The following TTC7B variants were observed in gnomAD, a reference collection of about 807,000 sequenced individuals.
TTC7B encodes tetratricopeptide repeat protein 7B.
TTC7B carries 28 observed loss-of-function variants against 106.8 expected under a neutral mutation model. That is an observed-to-expected ratio of 0.26 (90% CI 0.19 to 0.36). The LOEUF is 0.36. Among genes scored for constraint, TTC7B ranks in the 10% least tolerant of loss-of-function variants. The pLI is 1.00. For missense variants in TTC7B, 862 were observed against 1,076.4 expected, an observed-to-expected ratio of 0.80 and a Z score of 2.79; for synonymous variants, 405 against 430.6, an observed-to-expected ratio of 0.94 and a Z score of 0.74.
Position 90,578,097 on chromosome 14 carries a change from T to G in TTC7B, c.2310+9A>C, listed in dbSNP as rs1891332418. The G allele has an allele frequency of 6.2e-7, 1 of 1,605,080 alleles. No individual in the cohort carries two copies. The highest frequency in any genetic ancestry group is 8.5e-7 in the Non-Finnish European group (1 of 1,175,890). On this transcript the variant is annotated intron_variant, in intron 19 of 19. Transcript: ENST00000328459. This position sits in a 1 kb window ranked among gnomAD's most constrained non-coding sequence, Gnocchi z 4.7. The stretch of plus-strand genomic sequence containing the variant: ...AGAGTAGGGGCCACCGCCGGGCTCG[T>G]GGACTCACCAGTCGCTGCATGCTCT...
At chr14:90,800,959 G>A (rs1338208288) in intron 1 of TTC7B, among the ~76,000 whole-genome samples, 1 of 152,204 alleles carries the variant, frequency 6.6e-6, no homozygotes, top group Non-Finnish European at 1.5e-5. Flanking sequence ...GCTGAGGCAG[G>A]AGGATTGCTT....
intron 15 of TTC7B, among the ~76,000 whole-genome samples, chr14:90,637,749 A>G (rs562478193): frequency 6.6e-6 from 1 of 152,382 alleles, no homozygotes; most frequent in South Asian, 2.1e-4. Context: ...TGAAAGGAAT[A>G]AAGTCATATA....
intron 18 of TTC7B, among the ~76,000 whole-genome samples, chr14:90,591,612 G>A (rs1891961438): frequency 6.6e-6 from 1 of 152,194 alleles, no homozygotes; most frequent in South Asian, 2.1e-4. Flanking sequence ...CACCCTGGAG[G>A]GATGGCCTTC....
intron 5 of TTC7B, among the ~76,000 whole-genome samples, chr14:90,722,122 G>A (rs1888920747): frequency 6.6e-6 from 1 of 152,188 alleles, no homozygotes; most frequent in South Asian, 2.1e-4. Flanking sequence ...CAGGCGACAT[G>A]TGGCATCCCC....
At chr14:90,613,299 G>A (rs1892945830) in intron 16 of TTC7B, among the ~76,000 whole-genome samples, 1 of 152,064 alleles carries the variant, frequency 6.6e-6, no homozygotes, top group East Asian at 1.9e-4. Context: ...AGAGGCTGAG[G>A]CAAGAGGATG....
rs113392615 is a variant in TTC7B at position 90,797,290 on chromosome 14, TA to T, written c.122-10963del. On this transcript the variant is annotated intron_variant, in intron 1 of 19. Transcript: ENST00000328459. The stretch of plus-strand genomic sequence containing the variant: ...CAATATGGTAAAACCCCATCTCTAC[TA>T]AAAAAAAATACAAAAATTATCTGGG... 1.1e-3 allele frequency among the ~76,000 whole-genome samples: 53 copies of T among 48,468 alleles called. 5 individuals carry two copies. The highest frequency in any genetic ancestry group is 2.0e-3 in the African/African-American group (52 of 25,888). 31.8% of individuals were successfully genotyped at this position (48,468 alleles called of 152,430 possible).
At chr14:90,639,368 T>A (rs1316684295) in intron 15 of TTC7B, among the ~76,000 whole-genome samples, 1 of 151,776 alleles carries the variant, frequency 6.6e-6, no homozygotes, top group Non-Finnish European at 1.5e-5. Flanking sequence ...GACCATCCAA[T>A]AAAAAAGAAG....
chr14:90,591,319 C>T (rs1450060316), intron 18 of TTC7B, among the ~76,000 whole-genome samples: 1 of 152,046 alleles, frequency 6.6e-6, no homozygotes, highest in Non-Finnish European at 1.5e-5. Context: ...CCAGCCTGGG[C>T]CAAAGAGTGA....
At chr14:90,636,996 A>T (rs1264707006) in intron 15 of TTC7B, among the ~76,000 whole-genome samples, 2 of 151,678 alleles carry the variant, frequency 1.3e-5, no homozygotes, top group East Asian at 1.9e-4. Context: ...AAATACAACA[A>T]GACAGAACTT....
intron 1 of TTC7B, among the ~76,000 whole-genome samples, chr14:90,786,980 CA>C (rs2140041870): frequency 6.6e-6 from 1 of 152,288 alleles, no homozygotes; most frequent in African/African-American, 2.4e-5. Flanking sequence ...AAAACACACA[CA>C]AACCCCAGTG....
chr14:90,697,857 T>C (rs1887823589), intron 5 of TTC7B: 1 of 152,276 alleles, frequency 6.6e-6, no homozygotes, highest in Non-Finnish European at 1.5e-5. Context: ...AATTAAGCCT[T>C]TGAAGCAAAT....
In TTC7B at chr14:90,540,601, C is replaced by G. The variant is rs1476181872; in HGVS notation, c.*767G>C. ...ACAGGCTATGAGTCCATTTAAAAATCATTTTATTATTAACATCATCTTCCC... is the reference window on the plus strand; with the variant it reads ...ACAGGCTATGAGTCCATTTAAAAATGATTTTATTATTAACATCATCTTCCC... On this transcript the variant is annotated 3_prime_UTR_variant, in exon 20 of 20. Transcript: ENST00000328459. The G allele has an allele frequency of 1.3e-5, 2 of 153,676 alleles. No individual in the cohort carries two copies. Among genetic ancestry groups the G allele is most frequent in the Non-Finnish European group, 2.9e-5 (2 of 68,030 alleles). 9.5% of individuals were successfully genotyped at this position (153,676 alleles called of 1,614,324 possible).
chr14:90,618,261 T>C (rs913359333), intron 15 of TTC7B, among the ~76,000 whole-genome samples: 9 of 152,262 alleles, frequency 5.9e-5, no homozygotes, highest in Non-Finnish European at 1.2e-4. Flanking sequence ...GCAAGCACGA[T>C]GTGACTATTT....
intron 3 of TTC7B, among the ~76,000 whole-genome samples, chr14:90,756,745 G>A (rs983277828): frequency 1.6e-4 from 25 of 152,074 alleles, no homozygotes; most frequent in African/African-American, 6.0e-4. Flanking sequence ...AGACAGACAT[G>A]GTGTCACAGA....
rs186590735 is a variant in TTC7B at position 90,591,435 on chromosome 14, A to G, written c.2107+2051T>C. ...AATCAGCTACAAAATTTCCTCCCCA[A>G]CAGTCACGGCAGGCCACGCAAAGTG... On this transcript the variant is annotated intron_variant, in intron 18 of 19. Coordinates refer to ENST00000328459, the MANE Select transcript of TTC7B (RefSeq NM_001010854.2). 2.6e-4 allele frequency among the ~76,000 whole-genome samples: 39 copies of G among 152,326 alleles called. No individual in the cohort carries two copies. In the East Asian group the frequency reaches 5.2e-3, roughly 20 times the overall value.
At chr14:90,611,414 A>G (rs1461421407) in intron 16 of TTC7B, among the ~76,000 whole-genome samples, 1 of 152,218 alleles carries the variant, frequency 6.6e-6, no homozygotes, top group Non-Finnish European at 1.5e-5. Flanking sequence ...GCTGGATTCA[A>G]GAACCCCTGA....
chr14:90,615,757 C>T (rs543009907), intron 16 of TTC7B, among the ~76,000 whole-genome samples: 66 of 152,328 alleles, frequency 4.3e-4, no homozygotes, highest in African/African-American at 1.5e-3. Context: ...ACATTTATTT[C>T]TATCCCAGAG....
At position 90,657,273 on chromosome 14, in the gene TTC7B, G is replaced by C. The variant is rs1885989078; in HGVS notation, c.1242C>G (p.Ala414=). The change falls in exon 11 of 20, where the codon GCC becomes GCG. Residue 414 remains alanine (A), a synonymous_variant. Coordinates refer to ENST00000328459, the MANE Select transcript of TTC7B (RefSeq NM_001010854.2). The surrounding 1 kb of genome is among the most constrained non-coding windows in gnomAD (Gnocchi z 4.2). ...ACTCTTTCAGCACCTTCACGGCACGGGCAGACTTGGCAAGAGAAGATTATT... is the reference window on the plus strand; with the variant it reads ...ACTCTTTCAGCACCTTCACGGCACGCGCAGACTTGGCAAGAGAAGATTATT... ...ALSLMAAGKS[A]RAVKVLKECI... 6.2e-7 allele frequency: 1 copy of C among 1,613,418 alleles called. No homozygotes were observed. The highest frequency in any genetic ancestry group is 1.7e-5 in the Admixed American group (1 of 60,004).
At chr14:90,558,095 C>T in intron 19 of TTC7B, among the ~76,000 whole-genome samples, 1 of 152,250 alleles carries the variant, frequency 6.6e-6, no homozygotes, top group East Asian at 1.9e-4. Flanking sequence ...GGTATTATTT[C>T]CCAGCTGTGC....
Sources: gnomAD v4.1 joint callset for allele counts (sites outside exome capture counted in the v4.1 genomes callset) on GRCh38, gnomAD v4.1.1 for gene constraint, Gnocchi (gnomAD v3.1) non-coding constraint, MANE v1.5 for transcripts, NCBI Gene and HGNC (gene_info 2026-07-23, HGNC 2026-07-21) for gene names.